The following DSCC1 variants were observed in gnomAD, a reference collection of about 807,000 sequenced individuals.
DSCC1 encodes the protein sister chromatid cohesion protein DCC1.
In DSCC1, 32 loss-of-function variants were observed where a neutral mutation model predicts 48.2. The observed-to-expected ratio is 0.66, with a 90% CI of 0.50 to 0.89. DSCC1 has a LOEUF of 0.89. Ranked by LOEUF, DSCC1 falls within the 40% of genes least tolerant of loss-of-function variation. The pLI, the probability that DSCC1 is intolerant of heterozygous loss-of-function variation, is 0.00. For synonymous variants in DSCC1, 150 were observed against 171.5 expected (o/e 0.87, Z 0.98); for missense variants, 421 against 471.7 (o/e 0.89, Z 1.00).
intron 7 of DSCC1, 108 bp downstream of exon 7, chr8:119,841,686 G>T: frequency 1.6e-6 from 2 of 1,229,296 alleles, no homozygotes; most frequent in Non-Finnish European, 2.3e-6. Context: ...CACTCCTAAT[G>T]GGTGTCTAAG....
chr8:119,852,165 C>T (rs577638731), intron 2 of DSCC1, among the ~76,000 whole-genome samples: 17 of 152,180 alleles, frequency 1.1e-4, no homozygotes, highest in Admixed American at 2.6e-4. Context: ...GAAATAAGGG[C>T]TATGCTTGGA....
chr8:119,852,602 A>T (rs1826956489), intron 2 of DSCC1, among the ~76,000 whole-genome samples: 1 of 152,090 alleles, frequency 6.6e-6, no homozygotes, highest in African/African-American at 2.4e-5. Flanking sequence ...CAATCGGCAC[A>T]CCTTGGCCTC....
In DSCC1 at chr8:119,855,763, C is replaced by T; in HGVS notation, c.33G>A (p.Thr11=). MKRTRDEVDA[T]LQIAKLNAAE... is the part of the protein sequence containing the mutation. ...CCGCATTCAGCTTGGCGATCTGCAG[C>T]GTCGCATCCACCTCGTCGCGGGTCC... Residue 11 remains threonine (T), a synonymous_variant, in exon 1 of 9, where the codon ACG becomes ACA. Coordinates refer to ENST00000313655, the MANE Select transcript of DSCC1 (RefSeq NM_024094.3). 1.3e-6 allele frequency: 2 copies of T among 1,564,962 alleles called. No individual in the cohort carries two copies. The highest frequency in any genetic ancestry group is 1.2e-5 in the South Asian group (1 of 84,742).
intron 1 of DSCC1, among the ~76,000 whole-genome samples, chr8:119,853,943 C>T (rs1826977524): frequency 6.6e-6 from 1 of 152,264 alleles, no homozygotes; most frequent in Non-Finnish European, 1.5e-5. Flanking sequence ...AACGCAGTGG[C>T]TCATGCCTGT....
chr8:119,835,047 ATAT>A (rs1290676070), intron 8 of DSCC1, 46 bp from the exon 9 acceptor site: 1 of 1,271,126 alleles, frequency 7.9e-7, no homozygotes, highest in Non-Finnish European at 1.1e-6. Context: ...TTTAGGGAAC[ATAT>A]TATGATACAG....
chr8:119,848,999 A>G (rs552933989), intron 3 of DSCC1, among the ~76,000 whole-genome samples: 1 of 152,060 alleles, frequency 6.6e-6, no homozygotes, highest in South Asian at 2.1e-4. Context: ...CCTGGCTAAC[A>G]CGGTGAAACC....
intron 4 of DSCC1, among the ~76,000 whole-genome samples, chr8:119,846,564 C>T (rs1358062230): frequency 6.6e-6 from 1 of 152,212 alleles, no homozygotes; most frequent in Non-Finnish European, 1.5e-5. Flanking sequence ...ATATCACCAT[C>T]TTTTCTTTCT....
Position 119,847,098 on chromosome 8 carries a change from T to C in DSCC1, c.487-18A>G, listed in dbSNP as rs756233307. 164 of 1,598,570 alleles carry C rather than the reference T, an allele frequency of 1.0e-4. No individual in the cohort carries two copies. Among genetic ancestry groups the C allele is most frequent in the Non-Finnish European group, 1.4e-4 (162 of 1,170,352 alleles). Reference sequence around the variant, plus strand: ...GTTGTATACTGCAAAAAGAAAAAAATATTTTAAGGCCTTTGAAGAATATTT... The same window carrying C: ...GTTGTATACTGCAAAAAGAAAAAAACATTTTAAGGCCTTTGAAGAATATTT... On this transcript the variant is annotated intron_variant, in intron 3 of 8. Transcript: ENST00000313655.
intron 4 of DSCC1, among the ~76,000 whole-genome samples, chr8:119,846,152 C>T (rs1298256824): frequency 2.5e-5 from 3 of 118,216 alleles, no homozygotes; most frequent in Non-Finnish European, 5.2e-5. Flanking sequence ...TTTGCTCTTT[C>T]GCCCAGGCTG....
intron 7 of DSCC1, chr8:119,839,701 G>T (rs192839667): frequency 6.6e-6 from 1 of 152,150 alleles, no homozygotes; most frequent in Non-Finnish European, 1.5e-5. Context: ...AGTCCTTAGC[G>T]CAGTCCACAG....
In DSCC1 at chr8:119,851,208, A is replaced by C. The variant is rs186831898; in HGVS notation, c.352-692T>G. 3.8e-3 allele frequency among the ~76,000 whole-genome samples: 574 copies of C among 152,312 alleles called. 2 individuals carry two copies. The highest frequency in any genetic ancestry group is 6.8e-3 in the Non-Finnish European group (464 of 68,030). On this transcript the variant is annotated intron_variant, in intron 2 of 8. Coordinates refer to ENST00000313655, the MANE Select transcript of DSCC1 (RefSeq NM_024094.3). Reference sequence around the variant, plus strand: ...TGTTTCATAAAAGAAAAAAGGCTCAACTGGATTATCTTTGGGATGCCCTCC... The same window carrying C: ...TGTTTCATAAAAGAAAAAAGGCTCACCTGGATTATCTTTGGGATGCCCTCC...
At position 119,850,258 on chromosome 8, in the gene DSCC1, CTTT is replaced by C. The variant is rs537948415; in HGVS notation, c.486+121_486+123del. On this transcript the variant is annotated intron_variant, in intron 3 of 8. Transcript: ENST00000313655. ...TTGGGGTGTGCTTGAAATTTTATAA[CTTT>C]TTTAACACAAGCATTTATAACAGCT... 552 of 1,019,998 alleles carry C rather than the reference CTTT, an allele frequency of 5.4e-4. 2 individuals are homozygous for C. Among genetic ancestry groups the C allele is most frequent in the Non-Finnish European group, 5.2e-5 (39 of 745,454 alleles). The allele number at this position is 1,019,998 out of a possible 1,614,324, so 63.2% of individuals were successfully genotyped here. A position where few individuals can be genotyped will look rare whatever the true frequency, so the allele number is the denominator to read the frequency against.
At chr8:119,846,944 T>C (rs1217249999) in intron 4 of DSCC1, 46 bp downstream of exon 4, 6 of 1,565,216 alleles carry the variant, frequency 3.8e-6, no homozygotes. Flanking sequence ...CTCTCCCTTA[T>C]GATGCCCAAT....
chr8:119,843,479 AATTGTAAAC>A (rs1263216209), intron 5 of DSCC1, 121 bp downstream of exon 5: 2 of 1,306,592 alleles, frequency 1.5e-6, no homozygotes, highest in Non-Finnish European at 2.1e-6. Flanking sequence ...CTTCGGTTGT[AATTGTAAAC>A]ATTTCTCAAA....
intron 2 of DSCC1, chr8:119,852,782 A>G (rs1435980896): frequency 1.0e-5 from 3 of 290,124 alleles, no homozygotes; most frequent in Non-Finnish European, 1.9e-5. Context: ...AGAATGACTC[A>G]TTGAATAACA....
chr8:119,849,363 G>A (rs1826912477), intron 3 of DSCC1, among the ~76,000 whole-genome samples: 1 of 152,028 alleles, frequency 6.6e-6, no homozygotes, highest in Non-Finnish European at 1.5e-5. Context: ...CCAAGACTGC[G>A]CCACTGCACT....
At position 119,855,596 on chromosome 8, in the gene DSCC1, C is replaced by T. The variant is rs1827005444; in HGVS notation, c.182+18G>A. On this transcript the variant is annotated intron_variant, in intron 1 of 8. Coordinates refer to ENST00000313655, the MANE Select transcript of DSCC1 (RefSeq NM_024094.3). The stretch of plus-strand genomic sequence containing the variant: ...GTGGCCGGCCAGAGGCTGGGGGCGC[C>T]GCGTGACCAGGGCTCACCTGTGTCC... 5.2e-6 allele frequency: 8 copies of T among 1,531,946 alleles called. No homozygotes were observed. Among genetic ancestry groups the T allele is most frequent in the Non-Finnish European group, 7.0e-6 (8 of 1,141,480 alleles). 94.9% of individuals were successfully genotyped at this position (1,531,946 alleles called of 1,614,324 possible). A position where few individuals can be genotyped will look rare whatever the true frequency, so the allele number is the denominator to read the frequency against.
chr8:119,850,358 T>C (rs1395359711), intron 3 of DSCC1, 24 bp downstream of exon 3: 28 of 1,549,108 alleles, frequency 1.8e-5, no homozygotes, highest in Non-Finnish European at 2.2e-5. Context: ...AAATTCCAAA[T>C]AAAAAAGTGA....
chr8:119,838,127 TA>T, intron 8 of DSCC1, 131 bp downstream of exon 8: 1 of 958,572 alleles, frequency 1.0e-6, no homozygotes, highest in Non-Finnish European at 1.5e-6. Flanking sequence ...AGCCACCACC[TA>T]AGAGTTTCTA....
Sources: allele counts gnomAD v4.1 joint callset (sites outside exome capture counted in the v4.1 genomes callset), GRCh38; gene constraint gnomAD v4.1.1; transcripts MANE v1.5; gene names NCBI Gene and HGNC (gene_info 2026-07-23, HGNC 2026-07-21).